The following FGL1 variants were observed in gnomAD, a reference collection of about 807,000 sequenced individuals.
FGL1 encodes the protein fibrinogen-like protein 1.
Under a neutral mutation model 43.7 loss-of-function variants are expected in FGL1, and 59 were observed. The ratio of observed to expected loss-of-function variants is 1.35; its 90% confidence interval spans 1.10 to 1.68. The LOEUF is 1.68. Ranked by LOEUF, FGL1 falls within the 40% of genes most tolerant of loss-of-function variation. The pLI, the probability that FGL1 is intolerant of heterozygous loss-of-function variation, is 0.00. For missense variants in FGL1, 596 were observed against 373.0 expected, an observed-to-expected ratio of 1.60 and a Z score of -4.92; for synonymous variants, 192 against 126.5, an observed-to-expected ratio of 1.52 and a Z score of -3.48.
intron 3 of FGL1, among the ~76,000 whole-genome samples, chr8:17,877,180 G>A (rs773528057): frequency 6.6e-6 from 1 of 151,790 alleles, no homozygotes; most frequent in Non-Finnish European, 1.5e-5. Flanking sequence ...TCAACTCCCT[G>A]GAGAATAGGT....
At chr8:17,885,898 C>T (rs906432520) in intron 1 of FGL1, 5 of 185,410 alleles carry the variant, frequency 2.7e-5, no homozygotes, top group Non-Finnish European at 2.2e-5. Flanking sequence ...AAGGAAGTGG[C>T]GTAGTCAAAA....
chr8:17,882,178 G>T lies in FGL1; in HGVS notation c.65C>A (p.Ala22Glu). The T allele has an allele frequency of 6.2e-7, 1 of 1,611,808 alleles. No individual in the cohort carries two copies. Among genetic ancestry groups the T allele is most frequent in the Non-Finnish European group, 8.5e-7 (1 of 1,179,224 alleles). The change falls in exon 3 of 8, where the codon GCG becomes GAG. Residue 22 changes from alanine to glutamate, a missense_variant and splice_region_variant. Physicochemically the swap from Ala to Glu is moderately radical, Grantham distance 107. Coordinates refer to ENST00000427924, the MANE Select transcript of FGL1 (RefSeq NM_004467.4). ...TALTMGREIS[A>E]LEDCAQEQMR... is the part of the protein sequence containing the mutation. The stretch of plus-strand genomic sequence containing the variant: ...CTGCTCCTGGGCACAGTCCTCGAGC[G>T]CCTGCAAAACAGGTGAGATGAGATG...
Position 17,883,321 on chromosome 8 carries a change from A to C in FGL1, c.64-1142T>G, listed in dbSNP as rs1164961137. On this transcript the variant is annotated intron_variant, in intron 2 of 7. Transcript: ENST00000427924. ...TATAATATATTAAATAACATATAAT[A>C]ATATATAATATATTAAATAATATAT... Among the ~76,000 whole-genome samples the C allele has an allele frequency of 4.6e-5, 5 of 109,238 alleles. No homozygotes were observed. The East Asian group carries it at 8.4e-4, about 18-fold the overall frequency. The allele number at this position is 109,238 out of a possible 152,430, so 71.7% of individuals were successfully genotyped here. A position where few individuals can be genotyped will look rare whatever the true frequency, so the allele number is the denominator to read the frequency against.
At chr8:17,890,999 T>C (rs1220879035) in intron 1 of FGL1, among the ~76,000 whole-genome samples, 2 of 152,084 alleles carry the variant, frequency 1.3e-5, no homozygotes, top group South Asian at 2.1e-4. Flanking sequence ...ACACTTCATA[T>C]CTCTATCACA....
intron 2 of FGL1, chr8:17,882,745 TAA>T (rs1397242376): frequency 2.2e-4 from 29 of 134,798 alleles, no homozygotes; most frequent in South Asian, 4.4e-4. Context: ...AAATAATATA[TAA>T]TATATATAAT....
chr8:17,883,094 GTAATATATTAAATAATATATATCATATA>G (rs1563457986), intron 2 of FGL1, among the ~76,000 whole-genome samples: 18 of 18,412 alleles, frequency 9.8e-4, no homozygotes, highest in African/African-American at 4.4e-3. Flanking sequence ...TATATCATAT[GTAATATATTAAATAATATATATCATATA>G]TAATATATTA....
intron 4 of FGL1, 36 bp from the exon 5 acceptor site, chr8:17,874,152 C>T (rs1284365414): frequency 6.4e-7 from 1 of 1,559,708 alleles, no homozygotes; most frequent in Admixed American, 1.7e-5. Flanking sequence ...TTAGAGCAAA[C>T]TCCATTTGTG....
chr8:17,875,429 C>G (rs1202911896), intron 3 of FGL1, among the ~76,000 whole-genome samples: 1 of 152,056 alleles, frequency 6.6e-6, no homozygotes, highest in Non-Finnish European at 1.5e-5. Context: ...TGTGGTATTT[C>G]TTTGAACACT....
At chr8:17,885,410 T>G in intron 2 of FGL1, 82 bp downstream of exon 2, 1 of 1,204,962 alleles carries the variant, frequency 8.3e-7, no homozygotes, top group Non-Finnish European at 1.2e-6. Context: ...GACAAGTCAC[T>G]ATAGGTTTAA....
intron 5 of FGL1, among the ~76,000 whole-genome samples, chr8:17,869,801 A>G (rs1205371940): frequency 1.3e-5 from 2 of 152,182 alleles, no homozygotes; most frequent in Admixed American, 1.3e-4. Flanking sequence ...TGATATCTAC[A>G]TGTGAAAGCA....
At chr8:17,894,546 C>T (rs1400901347) in intron 1 of FGL1, among the ~76,000 whole-genome samples, 1 of 146,988 alleles carries the variant, frequency 6.8e-6, no homozygotes, top group African/African-American at 2.7e-5. Context: ...AGTTTTTTGA[C>T]TTCTGAAGTG....
At chr8:17,886,821 A>G (rs953684454) in intron 1 of FGL1, among the ~76,000 whole-genome samples, 4 of 151,768 alleles carry the variant, frequency 2.6e-5, no homozygotes, top group African/African-American at 9.7e-5. Context: ...GAAGAGAAGT[A>G]GGGGAATTGG....
chr8:17,872,276 A>G (rs2131702991), intron 5 of FGL1, among the ~76,000 whole-genome samples: 1 of 134,892 alleles, frequency 7.4e-6, no homozygotes, highest in Non-Finnish European at 1.6e-5. Context: ...GATGGAACAA[A>G]GGAACTTTTG....
chr8:17,876,196 G>C (rs2053454061), intron 3 of FGL1, among the ~76,000 whole-genome samples: 1 of 151,804 alleles, frequency 6.6e-6, no homozygotes, highest in African/African-American at 2.4e-5. Context: ...TTTTCTTATT[G>C]GATAATTCCA....
At chr8:17,873,950 T>C (rs2053403333) in intron 5 of FGL1, 69 bp downstream of exon 5, 3 of 1,146,202 alleles carry the variant, frequency 2.6e-6, no homozygotes, top group East Asian at 2.8e-5. Flanking sequence ...GCCTATAATT[T>C]GGTTAAAAAA....
Position 17,882,054 on chromosome 8 carries a change from A to G in FGL1, c.189T>C (p.Leu63=). 4 of 1,613,892 alleles carry G rather than the reference A, an allele frequency of 2.5e-6. No individual in the cohort carries two copies. The highest frequency in any genetic ancestry group is 1.1e-5 in the South Asian group (1 of 91,076). The change falls in exon 3 of 8, where the codon CTT becomes CTC. Residue 63 remains leucine, a synonymous_variant. Coordinates refer to ENST00000427924, the MANE Select transcript of FGL1 (RefSeq NM_004467.4). ...TGACAGTATTCTCATCTCCTTTATCAAGGAACTGGACTTCATTCTCCTGCA... is the reference window on the plus strand; with the variant it reads ...TGACAGTATTCTCATCTCCTTTATCGAGGAACTGGACTTCATTCTCCTGCA... ...QLLQENEVQF[L]DKGDENTVID... is the part of the protein sequence containing the mutation.
intron 3 of FGL1, among the ~76,000 whole-genome samples, chr8:17,877,333 G>T (rs34210260): frequency 0.01 from 1,539 of 152,226 alleles, 25 homozygotes; most frequent in African/African-American, 0.035. Context: ...ATTAAACTGG[G>T]TTATGTGTGT....
intron 5 of FGL1, among the ~76,000 whole-genome samples, chr8:17,869,546 G>A (rs1398476115): frequency 6.6e-6 from 1 of 152,154 alleles, no homozygotes; most frequent in Non-Finnish European, 1.5e-5. Flanking sequence ...AGAATAATTT[G>A]AGGAAGAAAT....
chr8:17,890,624 C>G (rs911266344), intron 1 of FGL1, among the ~76,000 whole-genome samples: 1 of 152,078 alleles, frequency 6.6e-6, no homozygotes, highest in Non-Finnish European at 1.5e-5. Flanking sequence ...TTAGTCCATT[C>G]TCATTTTATA....
Sources: allele counts gnomAD v4.1 joint callset (sites outside exome capture counted in the v4.1 genomes callset), GRCh38; gene constraint gnomAD v4.1.1; transcripts MANE v1.5; gene names NCBI Gene and HGNC (gene_info 2026-07-23, HGNC 2026-07-21).